CLYBL: variants seen among roughly 807,000 people sequenced by gnomAD.
CLYBL encodes citramalyl-CoA lyase, also known as citramalyl-CoA lyase, mitochondrial.
A neutral mutation model predicts 38.9 loss-of-function variants in CLYBL; 31 were observed. The observed-to-expected ratio is 0.80, with a 90% CI of 0.60 to 1.08. CLYBL has a LOEUF of 1.08. Ranked by LOEUF, CLYBL falls within the 50% of genes least tolerant of loss-of-function variation. CLYBL has a pLI of 0.00. For synonymous variants in CLYBL, 171 were observed against 158.6 expected, an observed-to-expected ratio of 1.08 and a Z score of -0.59; for missense variants, 434 against 411.6, an observed-to-expected ratio of 1.05 and a Z score of -0.47.
intron 7 of CLYBL, among the ~76,000 whole-genome samples, chr13:99,880,433 A>G (rs2052175732): frequency 6.6e-6 from 1 of 152,158 alleles, no homozygotes; most frequent in African/African-American, 2.4e-5. Context: ...CATTTTCCAG[A>G]TGAAGAAATT....
intron 1 of CLYBL, among the ~76,000 whole-genome samples, chr13:99,613,903 A>C (rs1461348911): frequency 6.6e-6 from 1 of 152,318 alleles, no homozygotes; most frequent in South Asian, 2.1e-4. Context: ...TTGGATTGTG[A>C]GGCAGAAAGT....
intron 1 of CLYBL, among the ~76,000 whole-genome samples, chr13:99,708,030 C>G (rs1347539489): frequency 6.6e-6 from 1 of 152,186 alleles, no homozygotes; most frequent in African/African-American, 2.4e-5. Context: ...GTCACCCAGG[C>G]TGGATTGAAG....
intron 2 of CLYBL, among the ~76,000 whole-genome samples, chr13:99,829,371 G>A (rs983906018): frequency 6.6e-6 from 1 of 152,224 alleles, no homozygotes; most frequent in East Asian, 1.9e-4. Context: ...GACAGCCGGA[G>A]CAGGGAAGTC....
At chr13:99,624,229 C>T (rs2046838694) in intron 1 of CLYBL, among the ~76,000 whole-genome samples, 1 of 152,182 alleles carries the variant, frequency 6.6e-6, no homozygotes, top group Admixed American at 6.5e-5. Context: ...GTCTCCTGCA[C>T]TGGGCTGGAA....
chr13:99,763,548 C>CTTTTTTTT (rs59409196), intron 1 of CLYBL, among the ~76,000 whole-genome samples: 46 of 116,140 alleles, frequency 4.0e-4, no homozygotes, highest in East Asian at 7.6e-4. Flanking sequence ...TCTTTTTATT[C>CTTTTTTTT]TTTTTTTTTT....
chr13:99,756,379 A>G (rs1449092193), intron 1 of CLYBL, among the ~76,000 whole-genome samples: 1 of 152,314 alleles, frequency 6.6e-6, no homozygotes, highest in Non-Finnish European at 1.5e-5. Context: ...AGAGATTCTC[A>G]TCTTTGGCTG....
chr13:99,745,211 G>A (rs2048828005), intron 1 of CLYBL, among the ~76,000 whole-genome samples: 2 of 152,188 alleles, frequency 1.3e-5, no homozygotes, highest in Admixed American at 1.3e-4. Flanking sequence ...CATTGTTACA[G>A]AAAATGGAAT....
chr13:99,871,990 C>CAAA (rs113487766), intron 7 of CLYBL, among the ~76,000 whole-genome samples: 130 of 119,412 alleles, frequency 1.1e-3, no homozygotes, highest in African/African-American at 3.6e-3. Context: ...TTCCCCCCTG[C>CAAA]AAAAAAAAAA....
chr13:99,665,426 TTTGG>T (rs2047466208), intron 1 of CLYBL, among the ~76,000 whole-genome samples: 1 of 152,056 alleles, frequency 6.6e-6, no homozygotes, highest in African/African-American at 2.4e-5. Flanking sequence ...ATAAAAATAC[TTTGG>T]TTGAGGCAGC....
intron 1 of CLYBL, among the ~76,000 whole-genome samples, chr13:99,655,421 G>A (rs904819254): frequency 1.4e-4 from 22 of 152,132 alleles, no homozygotes; most frequent in South Asian, 2.1e-4. Flanking sequence ...GCTCTTTCAC[G>A]TGCCCACATG....
intron 2 of CLYBL, among the ~76,000 whole-genome samples, chr13:99,855,136 A>T (rs201921978): frequency 2.4e-5 from 2 of 83,818 alleles, no homozygotes; most frequent in East Asian, 4.6e-4. Flanking sequence ...TAATTCCATT[A>T]TTCAGTCATT....
At chr13:99,874,656 G>A (rs114433667) in intron 7 of CLYBL, among the ~76,000 whole-genome samples, 461 of 152,070 alleles carry the variant, frequency 3.0e-3, no homozygotes, top group Middle Eastern at 0.028. Flanking sequence ...AACACATATA[G>A]CATACATGTT....
chr13:99,728,521 G>T lies in CLYBL; in HGVS notation c.63-44303G>T, dbSNP rs9517861. Among the ~76,000 whole-genome samples, 118 of 150,872 alleles carry T rather than the reference G, an allele frequency of 7.8e-4. 1 individual carries two copies. The South Asian group carries it at 0.024, about 30-fold the overall frequency. ...TCTCGATCTCCTGACCTCATGATCC[G>T]CCTCCCTCGGCCTCCCAGAGTGCTG... On this transcript the variant is annotated intron_variant, in intron 1 of 8. Coordinates refer to ENST00000339105, the MANE Select transcript of CLYBL (RefSeq NM_206808.5).
chr13:99,889,022 C>T (rs1401112537), intron 7 of CLYBL, among the ~76,000 whole-genome samples: 1 of 152,166 alleles, frequency 6.6e-6, no homozygotes, highest in African/African-American at 2.4e-5. Context: ...TGCTACATTT[C>T]GTTTTGCACC....
At chr13:99,669,387 A>G (rs2047532039) in intron 1 of CLYBL, among the ~76,000 whole-genome samples, 1 of 152,062 alleles carries the variant, frequency 6.6e-6, no homozygotes. Flanking sequence ...TTCCTTCCAG[A>G]GCTTTCTCTA....
intron 1 of CLYBL, among the ~76,000 whole-genome samples, chr13:99,682,700 C>G (rs11839563): frequency 0.066 from 10,085 of 152,024 alleles, 1,122 homozygotes; most frequent in African/African-American, 0.23. Flanking sequence ...AAACAAAAAA[C>G]TTTTCTTCAG....
intron 1 of CLYBL, among the ~76,000 whole-genome samples, chr13:99,621,405 T>TC (rs962383640): frequency 1.3e-5 from 2 of 152,144 alleles, no homozygotes; most frequent in Admixed American, 1.3e-4. Flanking sequence ...CCTGGACACC[T>TC]CAGCCAGCCA....
At chr13:99,824,099 C>A (rs1160124081) in intron 2 of CLYBL, among the ~76,000 whole-genome samples, 2 of 152,252 alleles carry the variant, frequency 1.3e-5, no homozygotes, top group African/African-American at 4.8e-5. Context: ...ACAGATCAGG[C>A]TTTTCTAGAC....
intron 1 of CLYBL, among the ~76,000 whole-genome samples, chr13:99,689,341 GTA>G (rs2047865553): frequency 6.6e-6 from 1 of 152,218 alleles, no homozygotes; most frequent in Non-Finnish European, 1.5e-5. Flanking sequence ...TATACCAGTT[GTA>G]GGATGTTTTG....
Sources: gnomAD v4.1 joint callset for allele counts (sites outside exome capture counted in the v4.1 genomes callset) on GRCh38, gnomAD v4.1.1 for gene constraint, MANE v1.5 for transcripts, NCBI Gene and HGNC (gene_info 2026-07-23, HGNC 2026-07-21) for gene names.